The following MYO3B variants were observed in gnomAD, a reference collection of about 807,000 sequenced individuals.
The protein encoded by MYO3B is myosin IIIB, also known as myosin-IIIb.
Under a neutral mutation model 174.6 loss-of-function variants are expected in MYO3B, and 156 were observed. The observed-to-expected ratio is 0.89, with a 90% CI of 0.78 to 1.02. The LOEUF is 1.02. MYO3B is among the 50% of genes least tolerant of loss of function. The probability of loss-of-function intolerance (pLI) is 0.00; values close to 1 mark genes in which losing one functional copy is unlikely to be tolerated. For missense variants in MYO3B, 1,632 were observed against 1,639.4 expected (o/e 1.00, Z 0.08); for synonymous variants, 563 against 569.1 (o/e 0.99, Z 0.15).
At chr2:170,565,838 A>G (rs1030436516) in intron 32 of MYO3B, among the ~76,000 whole-genome samples, 4 of 152,218 alleles carry the variant, frequency 2.6e-5, no homozygotes, top group Admixed American at 2.0e-4. Flanking sequence ...ACTTTCGATG[A>G]GAGAAAAATT....
intron 1 of MYO3B, among the ~76,000 whole-genome samples, chr2:170,195,135 T>C (rs1252604050): frequency 6.6e-6 from 1 of 151,726 alleles, no homozygotes. Flanking sequence ...ACACCTCCAG[T>C]GATATGGGCA....
At chr2:170,418,024 C>A (rs1374891813) in intron 22 of MYO3B, among the ~76,000 whole-genome samples, 2 of 152,186 alleles carry the variant, frequency 1.3e-5, no homozygotes, top group Non-Finnish European at 2.9e-5. Flanking sequence ...GGCTGCCAAG[C>A]CCTAGGCCTG....
intron 32 of MYO3B, among the ~76,000 whole-genome samples, chr2:170,557,225 C>T (rs540038129): frequency 5.3e-5 from 8 of 151,752 alleles, no homozygotes; most frequent in Admixed American, 2.6e-4. Flanking sequence ...CTGCAAGCTC[C>T]GCCTCCTGGG....
chr2:170,487,631 C>T (rs1463325572), intron 25 of MYO3B, among the ~76,000 whole-genome samples: 1 of 152,158 alleles, frequency 6.6e-6, no homozygotes, highest in Non-Finnish European at 1.5e-5. Flanking sequence ...GTGTAATTAG[C>T]CTTGAGATAA....
At chr2:170,524,552 C>T (rs183498619) in intron 30 of MYO3B, 77 of 437,944 alleles carry the variant, frequency 1.8e-4, no homozygotes, top group Middle Eastern at 1.5e-3. Context: ...AGCATGATCT[C>T]AGCTGACTGC....
intron 22 of MYO3B, among the ~76,000 whole-genome samples, chr2:170,424,554 T>G (rs1574958765): frequency 6.6e-6 from 1 of 151,678 alleles, no homozygotes; most frequent in African/African-American, 2.4e-5. Flanking sequence ...GAGGTGGAGG[T>G]TGCAGTGAAC....
At chr2:170,407,585 C>CTGGATATGAAAGCTG (rs386391799) in intron 21 of MYO3B, 130 bp from the exon 22 acceptor site, 4 of 1,016,994 alleles carry the variant, frequency 3.9e-6, no homozygotes, top group African/African-American at 1.6e-5. Flanking sequence ...ATCTGGTGCT[C>CTGGATATGAAAGCTG]TGGATATGAA....
At chr2:170,582,972 A>G (rs1693244342) in intron 32 of MYO3B, among the ~76,000 whole-genome samples, 1 of 151,970 alleles carries the variant, frequency 6.6e-6, no homozygotes, top group South Asian at 2.1e-4. Context: ...CCTTTGCCAC[A>G]AAAACTAGCC....
At chr2:170,416,518 G>A (rs1410270478) in intron 22 of MYO3B, among the ~76,000 whole-genome samples, 14 of 111,078 alleles carry the variant, frequency 1.3e-4, no homozygotes, top group Admixed American at 6.7e-4. Context: ...GCGAGACTCC[G>A]TCTCAAAAAA....
chr2:170,423,067 C>T (rs1415397526), intron 22 of MYO3B, among the ~76,000 whole-genome samples: 99 of 146,656 alleles, frequency 6.8e-4, no homozygotes, highest in African/African-American at 2.2e-3. Context: ...CTGCAACCTC[C>T]GCCCCCCAGG....
At chr2:170,524,023 T>G (rs369011525) in intron 30 of MYO3B, among the ~76,000 whole-genome samples, 3 of 152,192 alleles carry the variant, frequency 2.0e-5, no homozygotes, top group East Asian at 3.9e-4. Flanking sequence ...CAGGAAAAGA[T>G]GAAGGGAAGG....
chr2:170,495,097 A>G (rs753117503), intron 25 of MYO3B, among the ~76,000 whole-genome samples: 5 of 152,204 alleles, frequency 3.3e-5, no homozygotes, highest in Non-Finnish European at 5.9e-5. Context: ...GCAATGCCCT[A>G]AAGTGTGCAG....
intron 6 of MYO3B, among the ~76,000 whole-genome samples, chr2:170,229,239 TGCCTTCC>T (rs1268799279): frequency 5.3e-5 from 8 of 152,372 alleles, no homozygotes; most frequent in Admixed American, 1.3e-4. Flanking sequence ...GAATCCTATT[TGCCTTCC>T]TACCTCTCAG....
intron 30 of MYO3B, among the ~76,000 whole-genome samples, chr2:170,538,253 G>A (rs1405548953): frequency 1.3e-5 from 2 of 152,194 alleles, no homozygotes; most frequent in East Asian, 1.9e-4. Context: ...TCTCCAGAGT[G>A]TATCAACCAA....
intron 32 of MYO3B, among the ~76,000 whole-genome samples, chr2:170,582,159 G>A (rs10490079): frequency 0.12 from 18,802 of 152,244 alleles, 1,183 homozygotes; most frequent in South Asian, 0.16. Flanking sequence ...TTTTAGGACC[G>A]TAATCAGATT....
chr2:170,221,960 A>T (rs1003388336), intron 6 of MYO3B, among the ~76,000 whole-genome samples: 1 of 152,204 alleles, frequency 6.6e-6, no homozygotes, highest in African/African-American at 2.4e-5. Flanking sequence ...AGAAAGAAAA[A>T]TTTCACATGG....
In MYO3B at chr2:170,592,818, T is replaced by C. The variant is rs577898800; in HGVS notation, c.3733+48830T>C. 1.6e-3 allele frequency among the ~76,000 whole-genome samples: 249 copies of C among 152,246 alleles called. 2 individuals carry two copies. Among genetic ancestry groups the C allele is most frequent in the Non-Finnish European group, 2.6e-3 (178 of 68,024 alleles). The stretch of plus-strand genomic sequence containing the variant: ...TCACCAACTCTAGGGGGTCTTACCA[T>C]CTCTTACATCTCTTTCTCTCTGTCT... On this transcript the variant is annotated intron_variant, in intron 32 of 34. Coordinates refer to ENST00000408978, the MANE Select transcript of MYO3B (RefSeq NM_138995.5).
intron 8 of MYO3B, among the ~76,000 whole-genome samples, chr2:170,355,876 C>G (rs535458977): frequency 2.5e-4 from 38 of 152,200 alleles, no homozygotes; most frequent in Middle Eastern, 3.4e-3. Context: ...GCTCTTGTCT[C>G]TTTGTGTTGG....
At chr2:170,291,224 G>A (rs1458160849) in intron 7 of MYO3B, among the ~76,000 whole-genome samples, 1 of 152,044 alleles carries the variant, frequency 6.6e-6, no homozygotes, top group Non-Finnish European at 1.5e-5. Context: ...ACTCCAGCCT[G>A]GGCCAACAAC....
Sources: gnomAD v4.1 joint callset for allele counts (sites outside exome capture counted in the v4.1 genomes callset) on GRCh38, gnomAD v4.1.1 for gene constraint, MANE v1.5 for transcripts, NCBI Gene and HGNC (gene_info 2026-07-23, HGNC 2026-07-21) for gene names.